Variants in TUSC3 observed in about 807,000 individuals in gnomAD.
TUSC3 encodes tumor suppressor candidate 3.
TUSC3 carries 45 observed loss-of-function variants against 44.8 expected under a neutral mutation model. That is an observed-to-expected ratio of 1.00 (90% CI 0.79 to 1.29). The LOEUF (loss-of-function observed/expected upper bound fraction) is 1.29. TUSC3 is among the 50% of genes most tolerant of loss of function. TUSC3 has a pLI of 0.00. For missense variants in TUSC3, 519 were observed against 437.9 expected (o/e 1.19, Z -1.65); for synonymous variants, 212 against 152.9 (o/e 1.39, Z -2.85).
the TUSC3 span, among the ~76,000 whole-genome samples, chr8:15,828,312 C>T: frequency 2.6e-5 from 4 of 152,122 alleles, no homozygotes; most frequent in Non-Finnish European, 5.9e-5. Flanking sequence ...TTTTTTTAAT[C>T]TACAGTTTGT....
chr8:15,462,256 C>T (rs114339945), intron 1 of TUSC3, among the ~76,000 whole-genome samples: 2,363 of 152,000 alleles, frequency 0.016, 60 homozygotes, highest in African/African-American at 0.054. Flanking sequence ...AGAATTTTGA[C>T]GAATTATTTG....
intron 7 of TUSC3, among the ~76,000 whole-genome samples, chr8:15,742,302 A>C (rs1452566230): frequency 6.8e-6 from 1 of 147,710 alleles, no homozygotes; most frequent in Admixed American, 6.8e-5. Flanking sequence ...TTTTCTAGAA[A>C]GGGTTCCAAA....
chr8:15,552,113 G>A (rs1802079839), intron 1 of TUSC3, among the ~76,000 whole-genome samples: 2 of 151,716 alleles, frequency 1.3e-5, no homozygotes, highest in African/African-American at 4.8e-5. Context: ...TCTTAAGTAT[G>A]TTGTAAATGT....
At chr8:15,740,238 T>G (rs1211935874) in intron 7 of TUSC3, among the ~76,000 whole-genome samples, 1 of 152,086 alleles carries the variant, frequency 6.6e-6, no homozygotes, top group African/African-American at 2.4e-5. Context: ...TTCAAAGATC[T>G]CCTTATTACC....
intron 6 of TUSC3, among the ~76,000 whole-genome samples, chr8:15,686,058 A>G (rs142240978): frequency 0.019 from 2,873 of 152,152 alleles, 37 homozygotes; most frequent in Middle Eastern, 0.027. Flanking sequence ...TTGCAAGTTT[A>G]TTTGTTTGTC....
At chr8:15,812,558 C>G in the TUSC3 span, among the ~76,000 whole-genome samples, 3 of 152,160 alleles carry the variant, frequency 2.0e-5, no homozygotes, top group Non-Finnish European at 2.9e-5. Context: ...ATTAATTTCT[C>G]ACTGAGCAAA....
At chr8:15,527,354 T>C (rs1326063094) in intron 2 of TUSC3, among the ~76,000 whole-genome samples, 1 of 151,976 alleles carries the variant, frequency 6.6e-6, no homozygotes, top group Non-Finnish European at 1.5e-5. Flanking sequence ...GTAGCTGGGA[T>C]TACAGGTGCC....
At chr8:15,511,754 C>G (rs923933916) in intron 2 of TUSC3, among the ~76,000 whole-genome samples, 1 of 151,980 alleles carries the variant, frequency 6.6e-6, no homozygotes, top group African/African-American at 2.4e-5. Flanking sequence ...CCTATAATCC[C>G]AGATACTTGG....
downstream of TUSC3, among the ~76,000 whole-genome samples, chr8:15,767,695 T>G (rs2129226757): frequency 6.6e-6 from 1 of 152,172 alleles, no homozygotes; most frequent in African/African-American, 2.4e-5. Context: ...TAAGAAATGG[T>G]GTTTGCTTTG....
chr8:15,435,297 C>A (rs955524004), intron 1 of TUSC3, among the ~76,000 whole-genome samples: 8 of 152,208 alleles, frequency 5.3e-5, no homozygotes, highest in African/African-American at 1.9e-4. Flanking sequence ...TGATGATGAG[C>A]ATTTTTTCAT....
intron 6 of TUSC3, among the ~76,000 whole-genome samples, chr8:15,706,514 A>G (rs1207903053): frequency 6.6e-6 from 1 of 152,066 alleles, no homozygotes; most frequent in Non-Finnish European, 1.5e-5. Flanking sequence ...CAGATGTCAG[A>G]GTCATAATAT....
At chr8:15,705,510 G>T (rs956104139) in intron 6 of TUSC3, among the ~76,000 whole-genome samples, 2 of 151,910 alleles carry the variant, frequency 1.3e-5, no homozygotes, top group Admixed American at 6.6e-5. Context: ...ATATTTTCTT[G>T]TATATAACCA....
chr8:15,471,364 G>A (rs118077160), intron 1 of TUSC3, among the ~76,000 whole-genome samples: 7,443 of 152,114 alleles, frequency 0.049, 243 homozygotes, highest in South Asian at 0.11. Context: ...TGTAAAATTG[G>A]TTTTGTTATA....
intron 10 of TUSC3, among the ~76,000 whole-genome samples, chr8:15,760,187 A>G (rs1812113378): frequency 6.6e-6 from 1 of 152,148 alleles, no homozygotes; most frequent in African/African-American, 2.4e-5. Flanking sequence ...AAGTTAATAC[A>G]TGTTCCTTCT....
chr8:15,642,762 A>C (rs572633179), intron 2 of TUSC3, among the ~76,000 whole-genome samples: 1 of 152,280 alleles, frequency 6.6e-6, no homozygotes, highest in South Asian at 2.1e-4. Context: ...ATCATAAACA[A>C]GGTTTACATT....
At position 15,464,537 on chromosome 8, in the gene TUSC3, G is replaced by C. The variant is rs183444689; in HGVS notation, n.92-18849G>C. Among the ~76,000 whole-genome samples the C allele has an allele frequency of 1.4e-4, 22 of 152,162 alleles. 1 individual carries two copies. Among genetic ancestry groups the C allele is most frequent in the African/African-American group, 5.1e-4 (21 of 41,522 alleles). ...TGTTTGACACCTGAAACAAATATAT[G>C]TGTTAAAATAAAGTTATTCAATATT... On this transcript the variant is annotated intron_variant and non_coding_transcript_variant, in intron 1 of 5. Transcript: ENST00000503191.
At chr8:15,787,531 A>T in the TUSC3 span, among the ~76,000 whole-genome samples, 5,963 of 152,280 alleles carry the variant, frequency 0.039, 142 homozygotes, top group African/African-American at 0.072. Flanking sequence ...TATGATGTCA[A>T]TGAAAACCTT....
chr8:15,658,810 G>A (rs1020487305), intron 3 of TUSC3, among the ~76,000 whole-genome samples: 2 of 151,864 alleles, frequency 1.3e-5, no homozygotes, highest in Non-Finnish European at 1.5e-5. Context: ...TTATACGAGG[G>A]TAGTGTTCTG....
At chr8:15,763,983 G>T (rs1812253670) in intron 10 of TUSC3, among the ~76,000 whole-genome samples, 1 of 151,970 alleles carries the variant, frequency 6.6e-6, no homozygotes, top group Admixed American at 6.6e-5. Flanking sequence ...AAAGCTTTCA[G>T]CATCTTCTCT....
Sources: allele counts gnomAD v4.1 joint callset (sites outside exome capture counted in the v4.1 genomes callset), GRCh38; gene constraint gnomAD v4.1.1; transcripts MANE v1.5; gene names NCBI Gene and HGNC (gene_info 2026-07-23, HGNC 2026-07-21).